IMMP2L: variants seen among roughly 807,000 people sequenced by gnomAD.
The protein encoded by IMMP2L is mitochondrial inner membrane protease subunit 2.
Under a neutral mutation model 19.3 loss-of-function variants are expected in IMMP2L, and 18 were observed. That is an observed-to-expected ratio of 0.93 (90% CI 0.64 to 1.38). The LOEUF is 1.38. Among genes scored for constraint, IMMP2L ranks in the 40% most tolerant of loss-of-function variants. The pLI is 0.00. For missense variants in IMMP2L, 233 were observed against 218.2 expected (o/e 1.07, Z -0.43); for synonymous variants, 76 against 73.0 (o/e 1.04, Z -0.21).
At chr7:111,271,530 A>C (rs900027406) in intron 3 of IMMP2L, among the ~76,000 whole-genome samples, 4 of 152,148 alleles carry the variant, frequency 2.6e-5, no homozygotes, top group Admixed American at 1.3e-4. Context: ...ATTAACACAG[A>C]TTGTTGGGCC....
chr7:111,413,912 A>G (rs529210283), intron 3 of IMMP2L, among the ~76,000 whole-genome samples: 19 of 151,704 alleles, frequency 1.3e-4, no homozygotes, highest in Non-Finnish European at 2.2e-4. Context: ...TCTTATGGCA[A>G]TCAGCATCAC....
intron 3 of IMMP2L, among the ~76,000 whole-genome samples, chr7:111,280,148 C>A (rs891609332): frequency 6.6e-6 from 1 of 152,184 alleles, no homozygotes; most frequent in South Asian, 2.1e-4. Flanking sequence ...ATCTGGCTTT[C>A]CCTTCGACAT....
chr7:110,756,236 T>A (rs1434364584), intron 5 of IMMP2L, among the ~76,000 whole-genome samples: 1 of 151,972 alleles, frequency 6.6e-6, no homozygotes, highest in Non-Finnish European at 1.5e-5. Context: ...AGATGGTACA[T>A]GAGGAAAAGA....
In IMMP2L at chr7:111,100,077, C is replaced by T. The variant is rs980653225; in HGVS notation, c.240-136512G>A. 3 of 151,648 alleles carry T rather than the reference C, an allele frequency of 2.0e-5. No individual in the cohort carries two copies. In the East Asian group the frequency reaches 5.8e-4, roughly 29 times the overall value. The allele number at this position is 151,648 out of a possible 1,614,324, so 9.4% of individuals were successfully genotyped here. ...CATTGGAAAGGTCCTGATTTGAACCCTGAATGTCTGACTCTGAAGCCCATG... is the reference window on the plus strand; with the variant it reads ...CATTGGAAAGGTCCTGATTTGAACCTTGAATGTCTGACTCTGAAGCCCATG... On this transcript the variant is annotated intron_variant, in intron 3 of 5. Transcript: ENST00000405709.
Position 111,114,133 on chromosome 7 carries a change from T to TACACACAC in IMMP2L, c.240-150576_240-150569dup, listed in dbSNP as rs71151831. Among the ~76,000 whole-genome samples the TACACACAC allele has an allele frequency of 6.1e-3, 898 of 146,656 alleles. 6 individuals are homozygous for TACACACAC. The highest frequency in any genetic ancestry group is 0.021 in the African/African-American group (828 of 40,204). ...CTCAACATACACATACACATAAATCTACACACACACACACACACACACACA... is the reference window on the plus strand; with the variant it reads ...CTCAACATACACATACACATAAATCTACACACACACACACACACACACACACACACACA... On this transcript the variant is annotated intron_variant, in intron 3 of 5. Transcript: ENST00000405709.
intron 5 of IMMP2L, among the ~76,000 whole-genome samples, chr7:110,680,656 T>C (rs544588003): frequency 3.3e-5 from 5 of 152,258 alleles, no homozygotes; most frequent in Non-Finnish European, 7.4e-5. Context: ...GTCTTAATAA[T>C]GGCTGCCTGT....
intron 3 of IMMP2L, among the ~76,000 whole-genome samples, chr7:111,446,139 C>T (rs1167542033): frequency 2.0e-5 from 3 of 151,184 alleles, no homozygotes; most frequent in East Asian, 3.9e-4. Flanking sequence ...GAGGGGCGCC[C>T]GCCATTGCCC....
At chr7:111,043,734 A>G (rs1238943825) in intron 3 of IMMP2L, among the ~76,000 whole-genome samples, 1 of 152,202 alleles carries the variant, frequency 6.6e-6, no homozygotes, top group Non-Finnish European at 1.5e-5. Flanking sequence ...TGCCATCTCT[A>G]CAGAGGTGTA....
At chr7:111,081,440 T>A (rs1441459531) in intron 3 of IMMP2L, among the ~76,000 whole-genome samples, 1 of 152,206 alleles carries the variant, frequency 6.6e-6, no homozygotes, top group Non-Finnish European at 1.5e-5. Flanking sequence ...TTCTAGATTT[T>A]AGACATGCTA....
At chr7:111,320,046 G>T (rs1412875182) in intron 3 of IMMP2L, among the ~76,000 whole-genome samples, 1 of 151,816 alleles carries the variant, frequency 6.6e-6, no homozygotes, top group East Asian at 1.9e-4. Flanking sequence ...CCCCACATCA[G>T]CCTCCATCGT....
intron 3 of IMMP2L, among the ~76,000 whole-genome samples, chr7:111,332,515 A>G (rs1438280642): frequency 6.6e-6 from 1 of 152,030 alleles, no homozygotes; most frequent in Non-Finnish European, 1.5e-5. Flanking sequence ...CAAATAATAT[A>G]GTACCTTTTT....
chr7:111,357,892 C>T (rs983448358), intron 3 of IMMP2L, among the ~76,000 whole-genome samples: 4 of 151,828 alleles, frequency 2.6e-5, no homozygotes, highest in African/African-American at 7.3e-5. Flanking sequence ...AGGGCACTAG[C>T]CAGCTTTGGA....
intron 3 of IMMP2L, among the ~76,000 whole-genome samples, chr7:111,074,150 T>C (rs138987275): frequency 6.7e-4 from 102 of 152,304 alleles, no homozygotes; most frequent in African/African-American, 2.3e-3. Context: ...TATACCCTCA[T>C]TTTACAAATA....
intron 5 of IMMP2L, among the ~76,000 whole-genome samples, chr7:110,814,900 G>A (rs1218045662): frequency 6.6e-6 from 1 of 151,846 alleles, no homozygotes; most frequent in Non-Finnish European, 1.5e-5. Context: ...CAATATGCCA[G>A]GGACCATGTA....
rs192859311 is a variant in IMMP2L, at chr7:110,707,007, T to A, written c.409-43286A>T. Among the ~76,000 whole-genome samples the A allele has an allele frequency of 2.5e-3, 290 of 118,116 alleles. 3 individuals are homozygous for A. Among genetic ancestry groups the A allele is most frequent in the African/African-American group, 9.2e-3 (285 of 30,840 alleles). The allele number at this position is 118,116 out of a possible 152,430, so 77.5% of individuals were successfully genotyped here. Reference sequence around the variant, plus strand: ...TACACTTAAATTTTTTTTTTTAATTTTTTTTTTTTTATTATACTCTAAGTT... The same window carrying A: ...TACACTTAAATTTTTTTTTTTAATTATTTTTTTTTTATTATACTCTAAGTT... On this transcript the variant is annotated intron_variant, in intron 5 of 5. Transcript: ENST00000405709.
intron 3 of IMMP2L, among the ~76,000 whole-genome samples, chr7:111,163,055 T>C (rs553592720): frequency 6.6e-6 from 1 of 152,046 alleles, no homozygotes; most frequent in African/African-American, 2.4e-5. Context: ...CTTGCAATTA[T>C]AAATGCTTTT....
chr7:111,447,447 C>T (rs1307338880), intron 3 of IMMP2L, among the ~76,000 whole-genome samples: 1 of 149,560 alleles, frequency 6.7e-6, no homozygotes, highest in Admixed American at 6.7e-5. Context: ...ATTTCATATC[C>T]AGCCAAACTA....
rs1834026833 is a variant in IMMP2L, at chr7:111,407,817, T to C, written c.239+79421A>G. 2.6e-5 allele frequency among the ~76,000 whole-genome samples: 4 copies of C among 151,968 alleles called. No individual in the cohort carries two copies. In the South Asian group the frequency reaches 8.3e-4, roughly 31 times the overall value. ...TTATGAAATGTAAATTACATATAAA[T>C]AAAGACATAAAAAAGAAAAATAAAT... On this transcript the variant is annotated intron_variant, in intron 3 of 5. Coordinates refer to ENST00000405709, the MANE Select transcript of IMMP2L (RefSeq NM_032549.4).
intron 5 of IMMP2L, among the ~76,000 whole-genome samples, chr7:110,777,757 T>C (rs1799490319): frequency 6.6e-6 from 1 of 152,008 alleles, no homozygotes; most frequent in Non-Finnish European, 1.5e-5. Context: ...TATTGACAGT[T>C]ACAAGGGAGA....
Sources: allele counts gnomAD v4.1 joint callset (sites outside exome capture counted in the v4.1 genomes callset), GRCh38; gene constraint gnomAD v4.1.1; transcripts MANE v1.5; gene names NCBI Gene and HGNC (gene_info 2026-07-23, HGNC 2026-07-21).